The following FBXO25 variants were observed in gnomAD, a reference collection of about 807,000 sequenced individuals.
The protein encoded by FBXO25 is F-box only protein 25.
A neutral mutation model predicts 51.9 loss-of-function variants in FBXO25; 45 were observed. The observed-to-expected ratio is 0.87, with a 90% CI of 0.68 to 1.11. FBXO25 has a LOEUF of 1.11. FBXO25 is among the 50% of genes most tolerant of loss of function. The pLI, the probability that FBXO25 is intolerant of heterozygous loss-of-function variation, is 0.00. For missense variants in FBXO25, 507 were observed against 428.5 expected (o/e 1.18, Z -1.62); for synonymous variants, 199 against 151.0 (o/e 1.32, Z -2.33).
At chr8:447,425 TTGTC>T (rs1370856153) in intron 5 of FBXO25, among the ~76,000 whole-genome samples, 4 of 152,082 alleles carry the variant, frequency 2.6e-5, no homozygotes, top group African/African-American at 7.2e-5. Context: ...TCTAAGGAAA[TTGTC>T]TGTGAAGCAG....
intron 5 of FBXO25, among the ~76,000 whole-genome samples, chr8:436,812 G>A (rs1397651218): frequency 2.0e-5 from 3 of 152,208 alleles, no homozygotes; most frequent in Non-Finnish European, 2.9e-5. Context: ...ACCATACTGA[G>A]TTGCTTTATA....
At chr8:438,425 A>G (rs185710848) in intron 5 of FBXO25, among the ~76,000 whole-genome samples, 235 of 152,296 alleles carry the variant, frequency 1.5e-3, no homozygotes, top group African/African-American at 5.4e-3. Context: ...TTAAACTGAG[A>G]CTAATCAATA....
intron 2 of FBXO25, among the ~76,000 whole-genome samples, chr8:424,036 G>A (rs1401885326): frequency 6.6e-6 from 1 of 151,872 alleles, no homozygotes; most frequent in African/African-American, 2.4e-5. Context: ...TTTCTCTAAT[G>A]CTATGTGGTA....
In FBXO25 at chr8:449,620, G is replaced by A. The variant is rs550696050; in HGVS notation, c.382-370G>A. 7.9e-5 allele frequency among the ~76,000 whole-genome samples: 12 copies of A among 152,294 alleles called. No homozygotes were observed. In the South Asian group the frequency reaches 2.3e-3, roughly 29 times the overall value. ...GCTTAGGTTGTGAAAATACTTGTTA[G>A]TGCCCAACCATTCATTCTAGCCTCT... On this transcript the variant is annotated intron_variant, in intron 5 of 9. Coordinates refer to ENST00000350302, the MANE Select transcript of FBXO25 (RefSeq NM_183420.2).
chr8:420,048 A>C (rs1167807658), intron 2 of FBXO25, among the ~76,000 whole-genome samples: 1 of 152,116 alleles, frequency 6.6e-6, no homozygotes, highest in Non-Finnish European at 1.5e-5. Flanking sequence ...TGCCCAACTT[A>C]ATTTATTGTT....
At chr8:446,284 C>G (rs949004864) in intron 5 of FBXO25, among the ~76,000 whole-genome samples, 1 of 152,124 alleles carries the variant, frequency 6.6e-6, no homozygotes, top group Non-Finnish European at 1.5e-5. Context: ...GCCCTGACCC[C>G]TCTTATTGGT....
chr8:439,661 C>T (rs1798307407), intron 5 of FBXO25, among the ~76,000 whole-genome samples: 1 of 152,180 alleles, frequency 6.6e-6, no homozygotes, highest in South Asian at 2.1e-4. Context: ...GTTTCTGTGT[C>T]CCTGGGCATT....
At chr8:429,159 C>G (rs1476287691) in intron 2 of FBXO25, among the ~76,000 whole-genome samples, 1 of 152,180 alleles carries the variant, frequency 6.6e-6, no homozygotes, top group Non-Finnish European at 1.5e-5. Context: ...TTCCCACCAA[C>G]ATTGCACGAG....
In FBXO25 at chr8:418,060, C is replaced by T. The variant is rs553493213; in HGVS notation, c.134+4847C>T. On this transcript the variant is annotated intron_variant, in intron 2 of 9. Transcript: ENST00000350302. ...CACTTCACCCAAGTTGTGTGTGTGT[C>T]AGTGCAGGTTACACACTGCACAAGG... Among the ~76,000 whole-genome samples the T allele has an allele frequency of 7.9e-5, 12 of 152,238 alleles. No homozygotes were observed. In the East Asian group the frequency reaches 2.3e-3, roughly 29 times the overall value.
Position 476,934 on chromosome 8 carries a change from C to G in FBXO25, c.*8130C>G, listed in dbSNP as rs1173023781. On this transcript the variant is annotated 3_prime_UTR_variant, in exon 10 of 10. Transcript: ENST00000350302. ...TTAATTTGTTTAATAGGTGTATTTA[C>G]AGTTACAAATTTCCCTCCTACCACT... The G allele has an allele frequency of 2.6e-5, 4 of 152,110 alleles. No homozygotes were observed. Among genetic ancestry groups the G allele is most frequent in the Non-Finnish European group, 5.9e-5 (4 of 68,020 alleles). 9.4% of individuals were successfully genotyped at this position (152,110 alleles called of 1,614,324 possible). A position where few individuals can be genotyped will look rare whatever the true frequency, so the allele number is the denominator to read the frequency against.
rs368087975 is a variant in FBXO25 at position 421,614 on chromosome 8, G to A, written c.134+8401G>A. ...AACTAGGGCTGTTGGTTTTTTCAGA[G>A]AGAGAGAAATGTGGGTCTATGCATG... is the stretch of plus-strand genomic sequence containing the variant. On this transcript the variant is annotated intron_variant, in intron 2 of 9. Coordinates refer to ENST00000350302, the MANE Select transcript of FBXO25 (RefSeq NM_183420.2). Among the ~76,000 whole-genome samples the A allele has an allele frequency of 8.5e-5, 13 of 152,304 alleles. No individual in the cohort carries two copies. In the East Asian group the frequency reaches 2.3e-3, roughly 27 times the overall value.
chr8:458,131 G>A (rs565955353), intron 7 of FBXO25, among the ~76,000 whole-genome samples: 61 of 152,332 alleles, frequency 4.0e-4, no homozygotes, highest in South Asian at 3.3e-3. Context: ...TGCAGCAGTA[G>A]GGCCTCACCC....
At chr8:417,629 C>T (rs533122694) in intron 2 of FBXO25, among the ~76,000 whole-genome samples, 1 of 152,298 alleles carries the variant, frequency 6.6e-6, no homozygotes, top group Admixed American at 6.5e-5. Context: ...TGTCACAGGT[C>T]ATGCGCCTCT....
At chr8:421,738 G>C (rs182511619) in intron 2 of FBXO25, among the ~76,000 whole-genome samples, 1 of 152,300 alleles carries the variant, frequency 6.6e-6, no homozygotes, top group East Asian at 1.9e-4. Flanking sequence ...TGAGATGGTG[G>C]ATCCTAAGGG....
intron 1 of FBXO25, among the ~76,000 whole-genome samples, chr8:411,550 T>C (rs1796483721): frequency 6.6e-6 from 1 of 152,210 alleles, no homozygotes; most frequent in Non-Finnish European, 1.5e-5. Context: ...TTCTGAACCA[T>C]GGATGTATAT....
intron 2 of FBXO25, among the ~76,000 whole-genome samples, chr8:427,108 A>G (rs1482152511): frequency 1.3e-5 from 2 of 152,208 alleles, no homozygotes; most frequent in Admixed American, 6.5e-5. Flanking sequence ...TGGAAAATGT[A>G]CAGATAAAAA....
rs1800374472 is a variant in FBXO25, at chr8:468,956, C to T, written c.*152C>T. ...CTGCCCTTCTGCAAAGGGGGGACTG[C>T]ATGGTTGCATTTTCATCACTGAAAG... On this transcript the variant is annotated 3_prime_UTR_variant, in exon 10 of 10. Coordinates refer to ENST00000350302, the MANE Select transcript of FBXO25 (RefSeq NM_183420.2). 1.6e-6 allele frequency: 1 copy of T among 626,922 alleles called. No homozygotes were observed. Among genetic ancestry groups the T allele is most frequent in the Non-Finnish European group, 2.7e-6 (1 of 373,674 alleles). 38.8% of individuals were successfully genotyped at this position (626,922 alleles called of 1,614,324 possible). A position where few individuals can be genotyped will look rare whatever the true frequency, so the allele number is the denominator to read the frequency against.
chr8:455,627 T>A (rs1056683800), intron 7 of FBXO25, among the ~76,000 whole-genome samples: 1 of 152,200 alleles, frequency 6.6e-6, no homozygotes, highest in African/African-American at 2.4e-5. Context: ...CAAGTTTCTG[T>A]TAGCAGAAGT....
intron 2 of FBXO25, among the ~76,000 whole-genome samples, chr8:424,347 TGC>T (rs1797341892): frequency 6.6e-6 from 1 of 152,216 alleles, no homozygotes. Flanking sequence ...TCTCTTGCTG[TGC>T]AGAAGCTCTT....
Sources: gnomAD v4.1 joint callset for allele counts (sites outside exome capture counted in the v4.1 genomes callset) on GRCh38, gnomAD v4.1.1 for gene constraint, MANE v1.5 for transcripts, NCBI Gene and HGNC (gene_info 2026-07-23, HGNC 2026-07-21) for gene names.